CHODL: variants seen among roughly 807,000 people sequenced by gnomAD.
CHODL encodes transmembrane protein MT75.
In CHODL, 29 loss-of-function variants were observed where a neutral mutation model predicts 34.5. The observed-to-expected ratio is 0.84, with a 90% CI of 0.63 to 1.15. CHODL has a LOEUF of 1.15. Among genes scored for constraint, CHODL ranks in the 50% most tolerant of loss-of-function variants. The pLI is 0.00. For synonymous variants in CHODL, 125 were observed against 116.1 expected, an observed-to-expected ratio of 1.08 and a Z score of -0.49; for missense variants, 332 against 332.5, an observed-to-expected ratio of 1.00 and a Z score of 0.01.
chr21:18,128,097 G>A (rs951927005), intron 2 of CHODL, among the ~76,000 whole-genome samples: 4 of 151,312 alleles, frequency 2.6e-5, no homozygotes, highest in African/African-American at 9.7e-5. Flanking sequence ...TCAGGATATC[G>A]AGACCATCCT....
intron 2 of CHODL, among the ~76,000 whole-genome samples, chr21:18,060,846 G>C (rs1000638380): frequency 2.2e-4 from 33 of 152,028 alleles, no homozygotes; most frequent in African/African-American, 7.5e-4. Context: ...CACCTGAGGG[G>C]TAAGTCTGTG....
intron 1 of CHODL, among the ~76,000 whole-genome samples, chr21:18,249,015 A>G: frequency 8.6e-6 from 1 of 116,008 alleles, no homozygotes; most frequent in African/African-American, 3.7e-5. Flanking sequence ...TATAATATAT[A>G]TTATACATAA....
At chr21:17,995,952 A>C (rs2063845289) in intron 1 of CHODL, among the ~76,000 whole-genome samples, 1 of 152,186 alleles carries the variant, frequency 6.6e-6, no homozygotes, top group South Asian at 2.1e-4. Flanking sequence ...GGCTAAACCT[A>C]CTTTTTCAAT....
intron 1 of CHODL, among the ~76,000 whole-genome samples, chr21:18,016,232 G>C (rs573606508): frequency 2.8e-4 from 42 of 152,328 alleles, no homozygotes; most frequent in South Asian, 1.0e-3. Context: ...TTGCTGCTCT[G>C]TGCAGCCCTG....
chr21:18,023,597 C>T lies in CHODL; in HGVS notation c.-144-4275C>T, dbSNP rs1388477843. Among the ~76,000 whole-genome samples the T allele has an allele frequency of 4.6e-5, 7 of 152,128 alleles. No homozygotes were observed. In the South Asian group the frequency reaches 8.3e-4, roughly 18 times the overall value. Reference sequence around the variant, plus strand: ...AAGAGGAGCCTGGCTGGGGCAGGCACGGTGCCTCATACTGTTCTGAGTTTG... The same window carrying T: ...AAGAGGAGCCTGGCTGGGGCAGGCATGGTGCCTCATACTGTTCTGAGTTTG... On this transcript the variant is annotated intron_variant, in intron 1 of 6. Coordinates refer to the CHODL transcript ENST00000400127.
In CHODL at chr21:18,256,344, T is replaced by C. The variant is rs932558633; in HGVS notation, c.80-165T>C. Among the ~76,000 whole-genome samples the C allele has an allele frequency of 3.9e-5, 6 of 152,170 alleles. No individual in the cohort carries two copies. In the East Asian group the frequency reaches 1.2e-3, roughly 29 times the overall value. ...GAGGGAATAAATTTGCTTTTACAAA[T>C]TGCAAGCAATAGGCTAGAAAATAAA... On this transcript the variant is annotated intron_variant, in intron 1 of 5. Coordinates refer to ENST00000299295, the MANE Select transcript of CHODL (RefSeq NM_024944.3).
At chr21:18,232,456 T>G (rs908111720) in intron 2 of CHODL, among the ~76,000 whole-genome samples, 6 of 152,034 alleles carry the variant, frequency 3.9e-5, no homozygotes, top group African/African-American at 7.2e-5. Context: ...CTTCTGACTG[T>G]GTCTCCACAT....
chr21:18,191,703 A>G (rs1475730764), intron 2 of CHODL, among the ~76,000 whole-genome samples: 1 of 152,220 alleles, frequency 6.6e-6, no homozygotes, highest in Non-Finnish European at 1.5e-5. Flanking sequence ...TCAGAGTCAC[A>G]GAAGTATGAA....
chr21:18,186,405 A>G (rs2073441928), intron 2 of CHODL, among the ~76,000 whole-genome samples: 1 of 150,462 alleles, frequency 6.6e-6, no homozygotes, highest in South Asian at 2.1e-4. Flanking sequence ...GTTAAAAAAA[A>G]AAATTAAAAA....
intron 2 of CHODL, among the ~76,000 whole-genome samples, chr21:18,153,229 GA>G (rs1209169841): frequency 6.6e-6 from 1 of 152,164 alleles, no homozygotes; most frequent in Non-Finnish European, 1.5e-5. Flanking sequence ...CAGCAGAGCT[GA>G]TTTCCTGTCT....
intron 1 of CHODL, among the ~76,000 whole-genome samples, chr21:17,974,290 T>A (rs1014389100): frequency 3.9e-5 from 6 of 152,232 alleles, no homozygotes; most frequent in African/African-American, 1.4e-4. Context: ...TTATTTATTT[T>A]GAGATAGAGT....
At chr21:17,951,866 TGATAGAAATATTG>T (rs2063460026) in intron 1 of CHODL, among the ~76,000 whole-genome samples, 1 of 152,112 alleles carries the variant, frequency 6.6e-6, no homozygotes, top group South Asian at 2.1e-4. Context: ...CACATTCATA[TGATAGAAATATTG>T]GATAGAAAAG....
At chr21:18,261,052 C>G (rs981921454) in intron 4 of CHODL, among the ~76,000 whole-genome samples, 1 of 152,102 alleles carries the variant, frequency 6.6e-6, no homozygotes, top group South Asian at 2.1e-4. Context: ...GCTCAGATAC[C>G]CTATTGCTCA....
upstream of CHODL, among the ~76,000 whole-genome samples, chr21:18,242,258 C>T (rs1275997621): frequency 5.3e-5 from 8 of 152,124 alleles, no homozygotes. Context: ...CATGTGTCTT[C>T]TATGACACCT....
At chr21:18,192,537 C>T (rs2073523330) in intron 2 of CHODL, among the ~76,000 whole-genome samples, 1 of 152,120 alleles carries the variant, frequency 6.6e-6, no homozygotes. Context: ...GGTTATATAG[C>T]TTAATTCAAA....
At chr21:18,021,491 A>G (rs2064127311) in intron 1 of CHODL, among the ~76,000 whole-genome samples, 1 of 152,148 alleles carries the variant, frequency 6.6e-6, no homozygotes. Flanking sequence ...TTCTTTCCCC[A>G]CTGGAGTGAA....
intron 1 of CHODL, among the ~76,000 whole-genome samples, chr21:17,963,230 G>A (rs2254429): frequency 0.34 from 51,652 of 151,892 alleles, 9,333 homozygotes; most frequent in East Asian, 0.66. Context: ...TCACTTTGTA[G>A]AACATATCCC....
intron 1 of CHODL, among the ~76,000 whole-genome samples, chr21:17,958,712 A>G (rs1455603770): frequency 6.6e-6 from 1 of 152,204 alleles, no homozygotes; most frequent in Non-Finnish European, 1.5e-5. Flanking sequence ...AGTTTTGTCT[A>G]AAATTTCTGG....
At chr21:18,090,980 C>T (rs1568881119) in intron 2 of CHODL, among the ~76,000 whole-genome samples, 1 of 152,216 alleles carries the variant, frequency 6.6e-6, no homozygotes, top group Non-Finnish European at 1.5e-5. Flanking sequence ...ACAGAAACCA[C>T]CACTTCTCCA....
Sources: allele counts gnomAD v4.1 joint callset (sites outside exome capture counted in the v4.1 genomes callset), GRCh38; gene constraint gnomAD v4.1.1; transcripts MANE v1.5; gene names NCBI Gene and HGNC (gene_info 2026-07-23, HGNC 2026-07-21).